MYO19: variants seen among roughly 807,000 people sequenced by gnomAD.
MYO19 encodes myosin XIX.
A neutral mutation model predicts 129.2 loss-of-function variants in MYO19; 132 were observed. The ratio of observed to expected loss-of-function variants is 1.02; its 90% CI spans 0.89 to 1.18. MYO19 has a LOEUF of 1.18. MYO19 is among the 50% of genes most tolerant of loss of function. The pLI is 0.00. For synonymous variants in MYO19, 531 were observed against 477.2 expected, an observed-to-expected ratio of 1.11 and a Z score of -1.47; for missense variants, 1,210 against 1,216.7, an observed-to-expected ratio of 0.99 and a Z score of 0.08.
rs765416548 is a variant in MYO19 at position 36,513,350 on chromosome 17, C to G, written c.894+79G>C. ...CTAGATCCTCAGGGAAAGACCAACT[C>G]CAAGTCCAGGGAAAAGCTCTATGCA... On this transcript the variant is annotated intron_variant, in intron 11 of 25. Transcript: ENST00000614623. 9.9e-6 allele frequency: 16 copies of G among 1,611,948 alleles called. No homozygotes were observed. The Admixed American group carries it at 1.5e-4, about 15-fold the overall frequency.
intron 3 of MYO19, among the ~76,000 whole-genome samples, chr17:36,530,884 G>A (rs944635247): frequency 3.3e-5 from 5 of 152,080 alleles, no homozygotes; most frequent in Non-Finnish European, 7.4e-5. Context: ...ACCTCCCAAA[G>A]TATTGGGATT....
rs1363693415 is a variant in MYO19, at chr17:36,512,114, G to A, written c.895-659C>T. On this transcript the variant is annotated intron_variant, in intron 11 of 25. Transcript: ENST00000614623. Reference sequence around the variant, plus strand: ...GCTTGTAATTCCAGCACTCTGGGAGGCTGAGGCAGGTGGATCACTTGAAGT... The same window carrying A: ...GCTTGTAATTCCAGCACTCTGGGAGACTGAGGCAGGTGGATCACTTGAAGT... Among the ~76,000 whole-genome samples the A allele has an allele frequency of 3.3e-5, 5 of 151,836 alleles. No homozygotes were observed. The East Asian group carries it at 9.6e-4, about 29-fold the overall frequency.
At chr17:36,536,394 T>G (rs1214190921), upstream of MYO19, among the ~76,000 whole-genome samples, 1 of 152,234 alleles carries the variant, frequency 6.6e-6, no homozygotes, top group Non-Finnish European at 1.5e-5. Context: ...TAGTAAATCC[T>G]ATTCAATTTG....
chr17:36,512,957 T>G, intron 11 of MYO19: 5 of 757,068 alleles, frequency 6.6e-6, no homozygotes, highest in Non-Finnish European at 9.0e-6. Context: ...TTACTATGTC[T>G]GGTACTCTGT....
rs1230591200 is a variant in MYO19, at chr17:36,507,489, C to A, written c.1377G>T (p.Leu459=). ...CCTGGTAGTTGATGAATGACCACTC[C>A]AGGCCCTCAACTGCGTATTCCTCCT... ...AQQEEYAVEG[L]EWSFINYQDN... The change falls in exon 16 of 26, where the codon CTG becomes CTT. Residue 459 remains leucine (L), a synonymous_variant. Coordinates refer to ENST00000614623, the MANE Select transcript of MYO19 (RefSeq NM_001163735.2). The A allele has an allele frequency of 6.2e-7, 1 of 1,613,598 alleles. No individual in the cohort carries two copies. Among genetic ancestry groups the A allele is most frequent in the South Asian group, 1.1e-5 (1 of 91,076 alleles).
chr17:36,526,751 G>A (rs919766967), intron 5 of MYO19, among the ~76,000 whole-genome samples: 4 of 152,042 alleles, frequency 2.6e-5, no homozygotes, highest in Admixed American at 6.6e-5. Flanking sequence ...GCCGGGCATG[G>A]TGGTGGGCAC....
At chr17:36,534,226 G>T (rs145857753) in intron 1 of MYO19, 122 bp from the exon 2 acceptor site, 2 of 152,300 alleles carry the variant, frequency 1.3e-5, no homozygotes, top group African/African-American at 4.8e-5. Context: ...CAGTGGGAGG[G>T]CAGACGCTGA....
At chr17:36,507,366 T>C in intron 16 of MYO19, 33 bp downstream of exon 16, 1 of 1,595,130 alleles carries the variant, frequency 6.3e-7, no homozygotes, top group Non-Finnish European at 8.6e-7. Flanking sequence ...AAAGGCCAAC[T>C]CTGGTGCTCG....
At chr17:36,515,720 G>T in intron 7 of MYO19, 138 bp downstream of exon 7, 1 of 847,960 alleles carries the variant, frequency 1.2e-6, no homozygotes, top group Non-Finnish European at 1.8e-6. Context: ...AGAGGTTGGG[G>T]ATCTGAGGCA....
chr17:36,525,468 T>C lies in MYO19; in HGVS notation c.301-127A>G, dbSNP rs898996002. The stretch of plus-strand genomic sequence containing the variant: ...TGGGATGCTTCCTCCAGAAAAATTT[T>C]CTGGATGTCACATTGTTAGGCCCAA... On this transcript the variant is annotated intron_variant, in intron 5 of 25. Coordinates refer to ENST00000614623, the MANE Select transcript of MYO19 (RefSeq NM_001163735.2). The C allele has an allele frequency of 4.3e-6, 3 of 693,026 alleles. No homozygotes were observed. In the Admixed American group the frequency reaches 7.3e-5, roughly 17 times the overall value. 42.9% of individuals were successfully genotyped at this position (693,026 alleles called of 1,614,324 possible). A position where few individuals can be genotyped will look rare whatever the true frequency, so the allele number is the denominator to read the frequency against.
intron 3 of MYO19, among the ~76,000 whole-genome samples, chr17:36,528,609 C>G (rs2073640634): frequency 1.3e-5 from 2 of 151,966 alleles, no homozygotes; most frequent in South Asian, 4.1e-4. Context: ...TAGAAGGAGA[C>G]TCTGGTATCA....
chr17:36,501,706 G>A (rs2071543106), intron 21 of MYO19: 1 of 155,312 alleles, frequency 6.4e-6, no homozygotes, highest in South Asian at 2.1e-4. Context: ...TCCAATCCCA[G>A]CCCTTAGTTT....
intron 2 of MYO19, chr17:36,542,076 C>T (rs1418566352): frequency 2.0e-5 from 3 of 152,214 alleles, no homozygotes; most frequent in African/African-American, 4.8e-5. Flanking sequence ...GAAACAGCAA[C>T]TTACCTAGCA....
chr17:36,503,317 C>T, intron 20 of MYO19, 117 bp from the exon 21 acceptor site: 1 of 819,644 alleles, frequency 1.2e-6, no homozygotes, highest in Non-Finnish European at 2.1e-6. Flanking sequence ...CACGGTGCTG[C>T]CCTCCCCGAG....
intron 5 of MYO19, among the ~76,000 whole-genome samples, chr17:36,527,150 G>T (rs1018061652): frequency 4.0e-5 from 6 of 151,766 alleles, no homozygotes; most frequent in Non-Finnish European, 7.4e-5. Context: ...TGGGCAATAA[G>T]ACTGAAACTC....
rs375461350 is a variant in MYO19 at position 36,505,189 on chromosome 17, G to A, written c.1905+108C>T. 6.0e-6 allele frequency: 6 copies of A among 1,006,210 alleles called. No individual in the cohort carries two copies. The African/African-American group carries it at 6.3e-5, about 11-fold the overall frequency. 62.3% of individuals were successfully genotyped at this position (1,006,210 alleles called of 1,614,324 possible). On this transcript the variant is annotated intron_variant, in intron 19 of 25. Transcript: ENST00000614623. ...CTCTCATGTCAGGCCTGGCCGGAGA[G>A]ACCACTTCTGTGCACTCCATTTGGA...
Position 36,515,977 on chromosome 17 carries a change from C to G in MYO19, c.428G>C (p.Arg143Pro), listed in dbSNP as rs763890827. 1 of 1,611,862 alleles carries G rather than the reference C, an allele frequency of 6.2e-7. No homozygotes were observed. Among genetic ancestry groups the G allele is most frequent in the South Asian group, 1.1e-5 (1 of 90,960 alleles). Residue 143 changes from arginine (R) to proline (P), a missense_variant, in exon 7 of 26, where the codon CGC (arginine) becomes CCC (proline). Physicochemically the swap from Arg to Pro is moderately radical, Grantham distance 103. Coordinates refer to ENST00000614623, the MANE Select transcript of MYO19 (RefSeq NM_001163735.2). ...CACAGCATAGAACTTCATTAGGCAGCGAGACGTCCATGTCTGTGGCAGAAA... is the reference window on the plus strand; with the variant it reads ...CACAGCATAGAACTTCATTAGGCAGGGAGACGTCCATGTCTGTGGCAGAAA... ...ESGAGKTWTS[R>P]CLMKFYAVVA...
At chr17:36,525,158 G>A in intron 6 of MYO19, 70 bp downstream of exon 6, 3 of 1,174,932 alleles carry the variant, frequency 2.6e-6, no homozygotes, top group Non-Finnish European at 2.5e-6. Context: ...GGAAGGCCAA[G>A]GAATGACCCC....
Position 36,496,092 on chromosome 17 carries a change from G to T in MYO19, c.*159C>A. On this transcript the variant is annotated 3_prime_UTR_variant, in exon 26 of 26. Transcript: ENST00000614623. ...AGCCTGGAACCCCAGGCCCACTGACGCACTGGGCACGGGGCTCTGGGTCGA... is the reference window on the plus strand; with the variant it reads ...AGCCTGGAACCCCAGGCCCACTGACTCACTGGGCACGGGGCTCTGGGTCGA... 1.0e-6 allele frequency: 1 copy of T among 1,002,880 alleles called. No homozygotes were observed. Among genetic ancestry groups the T allele is most frequent in the Non-Finnish European group, 1.5e-6 (1 of 685,668 alleles). 62.1% of individuals were successfully genotyped at this position (1,002,880 alleles called of 1,614,324 possible).
Sources: allele counts gnomAD v4.1 joint callset (sites outside exome capture counted in the v4.1 genomes callset), GRCh38; gene constraint gnomAD v4.1.1; transcripts MANE v1.5; gene names NCBI Gene and HGNC (gene_info 2026-07-23, HGNC 2026-07-21).